The following UCKL1 variants were observed in gnomAD, a reference collection of about 807,000 sequenced individuals.
UCKL1 encodes the protein uridine-cytidine kinase-like 1.
In UCKL1, 65 loss-of-function variants were observed where a neutral mutation model predicts 59.2. The observed-to-expected ratio is 1.10, with a 90% CI of 0.90 to 1.35. The LOEUF is 1.35. Among genes scored for constraint, UCKL1 ranks in the 40% most tolerant of loss-of-function variants. The pLI, the probability that UCKL1 is intolerant of heterozygous loss-of-function variation, is 0.00. For synonymous variants in UCKL1, 410 were observed against 323.1 expected (o/e 1.27, Z -2.88); for missense variants, 703 against 784.3 (o/e 0.90, Z 1.24).
At chr20:63,947,009 G>A (rs578038353) in intron 1 of UCKL1, among the ~76,000 whole-genome samples, 19 of 152,092 alleles carry the variant, frequency 1.2e-4, no homozygotes, top group South Asian at 1.0e-3. Context: ...GCTTGAACCC[G>A]GGAGGTGGAG....
At chr20:63,948,647 A>AGAGGCAGGGGCGTGTGT (rs2057014793) in intron 1 of UCKL1, among the ~76,000 whole-genome samples, 1 of 45,912 alleles carries the variant, frequency 2.2e-5, no homozygotes, top group Non-Finnish European at 4.4e-5. Context: ...GGCGTGTGTG[A>AGAGGCAGGGGCGTGTGT]GAGGGAGGGG....
At position 63,940,468 on chromosome 20, in the gene UCKL1, C is replaced by T. The variant is rs1226249611; in HGVS notation, c.1320G>A (p.Leu440=). 2.5e-6 allele frequency: 4 copies of T among 1,611,886 alleles called. No individual in the cohort carries two copies. Among genetic ancestry groups the T allele is most frequent in the African/African-American group, 1.3e-5 (1 of 75,064 alleles). Residue 440 remains leucine, a synonymous_variant, in exon 13 of 15, where the codon CTG becomes CTA. Transcript: ENST00000354216. ...CGTGGTCATCGCTGATGTCCTTGGGCAGCCTCAGGTAGTGGAGCTGCGGGC... is the reference window on the plus strand; with the variant it reads ...CGTGGTCATCGCTGATGTCCTTGGGTAGCCTCAGGTAGTGGAGCTGCGGGC... ...TGEPELHYLR[L]PKDISDDHVI... is the part of the protein sequence containing the mutation.
rs2320226 is a variant in UCKL1 at position 63,951,116 on chromosome 20, T to C, written c.114-4473A>G. ...CAGCAGCTAGGAGGCCCTTGAAGCCTCCACCGTACTGAGGGAACAGCACTC... is the reference window on the plus strand; with the variant it reads ...CAGCAGCTAGGAGGCCCTTGAAGCCCCCACCGTACTGAGGGAACAGCACTC... On this transcript the variant is annotated intron_variant, in intron 1 of 14. Transcript: ENST00000354216. 0.57 allele frequency: 652,834 copies of C among 1,136,880 alleles called. 191,482 individuals are homozygous for C. Among genetic ancestry groups the C allele is most frequent in the African/African-American group, 0.63 (38,813 of 62,040 alleles). 70.4% of individuals were successfully genotyped at this position (1,136,880 alleles called of 1,614,324 possible). A position where few individuals can be genotyped will look rare whatever the true frequency, so the allele number is the denominator to read the frequency against.
intron 8 of UCKL1, chr20:63,941,657 G>A (rs778489349): frequency 1.4e-5 from 3 of 218,076 alleles, no homozygotes; most frequent in Non-Finnish European, 3.1e-5. Context: ...GGTGGTGCGC[G>A]GCCCCTCAAG....
rs73147065 is a variant in UCKL1 at position 63,942,653 on chromosome 20, A to C, written c.923+1000T>G. The C allele has an allele frequency of 7.3e-3, 3,742 of 510,766 alleles. 35 individuals carry two copies. The highest frequency in any genetic ancestry group is 0.01 in the Non-Finnish European group (2,610 of 253,828). 31.6% of individuals were successfully genotyped at this position (510,766 alleles called of 1,614,324 possible). On this transcript the variant is annotated intron_variant, in intron 8 of 14. Coordinates refer to ENST00000354216, the MANE Select transcript of UCKL1 (RefSeq NM_017859.4). Reference sequence around the variant, plus strand: ...GCGGTCAGGCCCCCAGCCCTGCCTGACCCTCCCTCCTGCCCCCGACCAAGG... The same window carrying C: ...GCGGTCAGGCCCCCAGCCCTGCCTGCCCCTCCCTCCTGCCCCCGACCAAGG...
Position 63,945,913 on chromosome 20 carries a change from A to G in UCKL1, c.474T>C (p.Asp158=). Residue 158 remains aspartate, a synonymous_variant, in exon 4 of 15, where the codon GAT becomes GAC. Coordinates refer to ENST00000354216, the MANE Select transcript of UCKL1 (RefSeq NM_017859.4). ...AHNNFNFDHP[D]AFDFDLIIST... ...AAATGATGAGGTCGAAGTCAAAGGC[A>G]TCTGGGTGGTCGAAGTTGAAGTTGT... 6.2e-7 allele frequency: 1 copy of G among 1,613,474 alleles called. No individual in the cohort carries two copies. Among genetic ancestry groups the G allele is most frequent in the East Asian group, 2.2e-5 (1 of 44,860 alleles).
intron 1 of UCKL1, chr20:63,950,857 A>G (rs1424160117): frequency 6.7e-7 from 1 of 1,484,372 alleles, no homozygotes; most frequent in Non-Finnish European, 8.9e-7. Context: ...GCTCCTGAAC[A>G]GCAGAGTGGC....
chr20:63,954,273 C>G (rs1054270824), intron 1 of UCKL1: 1 of 153,358 alleles, frequency 6.5e-6, no homozygotes, highest in Non-Finnish European at 1.5e-5. Context: ...GACTCCATCT[C>G]AACCGCAGCC....
Position 63,946,157 on chromosome 20 carries a change from C to T in UCKL1, c.411+4G>A, listed in dbSNP as rs765879593. On this transcript the variant is annotated splice_donor_region_variant and intron_variant, in intron 3 of 14. Coordinates refer to ENST00000354216, the MANE Select transcript of UCKL1 (RefSeq NM_017859.4). ...GTCCTCGGGGGAGCTGGGCGGGGGC[C>T]CACCTTGTAGAAGGAGTCCATGGAC... The T allele has an allele frequency of 6.2e-7, 1 of 1,611,852 alleles. No individual in the cohort carries two copies. The highest frequency in any genetic ancestry group is 1.1e-5 in the South Asian group (1 of 90,980).
intron 2 of UCKL1, 53 bp downstream of exon 2, chr20:63,946,400 G>A (rs1474541546): frequency 2.7e-5 from 41 of 1,512,146 alleles, no homozygotes; most frequent in African/African-American, 4.1e-5. Flanking sequence ...GGCACTGGAG[G>A]GGAGCCGGAG....
At position 63,939,958 on chromosome 20, in the gene UCKL1, G is replaced by A; in HGVS notation, c.*18C>T. ...AGGCAGGAGGAGGGTGGTGGGGACGGGATGGCTCACTGGGCAGCTAACCCG... is the reference window on the plus strand; with the variant it reads ...AGGCAGGAGGAGGGTGGTGGGGACGAGATGGCTCACTGGGCAGCTAACCCG... On this transcript the variant is annotated 3_prime_UTR_variant, in exon 15 of 15. Coordinates refer to ENST00000354216, the MANE Select transcript of UCKL1 (RefSeq NM_017859.4). The A allele has an allele frequency of 1.2e-6, 2 of 1,611,530 alleles. No individual in the cohort carries two copies. Among genetic ancestry groups the A allele is most frequent in the Middle Eastern group, 1.7e-4 (1 of 6,050 alleles).
Position 63,944,436 on chromosome 20 carries a change from G to T in UCKL1, c.867C>A (p.Ile289=), listed in dbSNP as rs762360603. ...TGTGCACGTGCTGCACAATCAGGTC[G>T]ATGGCCACCGTGTTGCCGCTCCCTG... ...VPRGSGNTVA[I]DLIVQHVHSQ... is the part of the protein sequence containing the mutation. Residue 289 remains isoleucine (I), a synonymous_variant, in exon 7 of 15, where the codon ATC becomes ATA. Transcript: ENST00000354216. 25 of 1,573,586 alleles carry T rather than the reference G, an allele frequency of 1.6e-5. No homozygotes were observed. The highest frequency in any genetic ancestry group is 2.2e-5 in the Non-Finnish European group (25 of 1,159,460).
intron 1 of UCKL1, 92 bp downstream of exon 1, chr20:63,956,168 G>T: frequency 8.2e-7 from 1 of 1,216,902 alleles, no homozygotes; most frequent in Non-Finnish European, 1.1e-6. Flanking sequence ...GGGGACTTGG[G>T]CTCGCGGCGG....
chr20:63,940,467 G>A lies in UCKL1; in HGVS notation c.1321C>T (p.Pro441Ser), dbSNP rs2054068290. ...ACGTGGTCATCGCTGATGTCCTTGGGCAGCCTCAGGTAGTGGAGCTGCGGG... is the reference window on the plus strand; with the variant it reads ...ACGTGGTCATCGCTGATGTCCTTGGACAGCCTCAGGTAGTGGAGCTGCGGG... Reference protein sequence around the residue: ...GEPELHYLRLPKDISDDHVIL... With the variant: ...GEPELHYLRLSKDISDDHVIL... Residue 441 changes from proline (P) to serine (S), a missense_variant, in exon 13 of 15, where the codon CCC (proline) becomes TCC (serine). By Grantham distance (74) the Pro-to-Ser change is moderately conservative. Around this residue, in one of 4 missense-constraint regions of UCKL1, gnomAD observed 124 missense variants for 161.1 expected, o/e 0.77. Coordinates refer to ENST00000354216, the MANE Select transcript of UCKL1 (RefSeq NM_017859.4). 1 of 1,611,844 alleles carries A rather than the reference G, an allele frequency of 6.2e-7. No homozygotes were observed. Among genetic ancestry groups the A allele is most frequent in the Admixed American group, 1.7e-5 (1 of 59,976 alleles).
intron 1 of UCKL1, among the ~76,000 whole-genome samples, chr20:63,946,847 G>A (rs1288227287): frequency 6.6e-5 from 10 of 152,110 alleles, no homozygotes; most frequent in Non-Finnish European, 1.3e-4. Flanking sequence ...GGAGGCCGAG[G>A]CAGGTGGATC....
chr20:63,946,774 G>T, intron 1 of UCKL1, 131 bp from the exon 2 acceptor site: 2 of 929,078 alleles, frequency 2.2e-6, no homozygotes, highest in Non-Finnish European at 3.2e-6. Flanking sequence ...GGCTCATTGG[G>T]GGTACATAAG....
At position 63,943,647 on chromosome 20, in the gene UCKL1, T is replaced by C; in HGVS notation, c.923+6A>G. On this transcript the variant is annotated splice_donor_region_variant and intron_variant, in intron 8 of 14. Coordinates refer to ENST00000354216, the MANE Select transcript of UCKL1 (RefSeq NM_017859.4). ...CCATCTGTGCAGACAGCTGTGCAAG[T>C]CTTACCTGACGCTGAGTTCACGCTG... 1 of 1,612,658 alleles carries C rather than the reference T, an allele frequency of 6.2e-7. No individual in the cohort carries two copies. Among genetic ancestry groups the C allele is most frequent in the Admixed American group, 1.7e-5 (1 of 60,004 alleles).
chr20:63,940,132 G>A lies in UCKL1; in HGVS notation c.1567+18C>T. 6.2e-7 allele frequency: 1 copy of A among 1,612,466 alleles called. No individual in the cohort carries two copies. Among genetic ancestry groups the A allele is most frequent in the Non-Finnish European group, 8.5e-7 (1 of 1,179,910 alleles). On this transcript the variant is annotated intron_variant, in intron 14 of 14. Coordinates refer to ENST00000354216, the MANE Select transcript of UCKL1 (RefSeq NM_017859.4). ...CACCCTGCCCTCATGTGCGGCTGAA[G>A]GGCCCGGGCAGCCTCACCAATGCCT...
At chr20:63,956,199 T>C in intron 1 of UCKL1, 61 bp downstream of exon 1, 1 of 1,391,474 alleles carries the variant, frequency 7.2e-7, no homozygotes, top group South Asian at 1.4e-5. Flanking sequence ...CCCGCCCAGC[T>C]CGGCCGGATC....
Sources: gnomAD v4.1 joint callset for allele counts (sites outside exome capture counted in the v4.1 genomes callset) on GRCh38, gnomAD v4.1.1 for gene constraint, gnomAD v4.1.1 regional missense constraint, MANE v1.5 for transcripts, NCBI Gene and HGNC (gene_info 2026-07-23, HGNC 2026-07-21) for gene names.